The following CHODL variants were observed in gnomAD, a reference collection of about 807,000 sequenced individuals.
CHODL encodes the protein transmembrane protein MT75.
CHODL carries 29 observed loss-of-function variants against 34.5 expected under a neutral mutation model. The observed-to-expected ratio is 0.84, with a 90% CI of 0.63 to 1.15. The LOEUF (loss-of-function observed/expected upper bound fraction) is 1.15, where lower values mean the gene tolerates loss of function less well. CHODL is among the 50% of genes most tolerant of loss of function. CHODL has a pLI of 0.00. For missense variants in CHODL, 332 were observed against 332.5 expected (o/e 1.00, Z 0.01); for synonymous variants, 125 against 116.1 (o/e 1.08, Z -0.49).
At chr21:18,068,399 G>C (rs1414649505) in intron 2 of CHODL, among the ~76,000 whole-genome samples, 1 of 152,140 alleles carries the variant, frequency 6.6e-6, no homozygotes, top group Non-Finnish European at 1.5e-5. Flanking sequence ...GTTTCACCCT[G>C]TTGGCCAGGC....
chr21:17,978,379 G>T (rs951243771), intron 1 of CHODL, among the ~76,000 whole-genome samples: 1 of 143,164 alleles, frequency 7.0e-6, no homozygotes, highest in African/African-American at 2.6e-5. Flanking sequence ...CCAAGATGGC[G>T]CCACTGCACT....
At chr21:18,135,339 T>C (rs1344374598) in intron 2 of CHODL, among the ~76,000 whole-genome samples, 1 of 152,160 alleles carries the variant, frequency 6.6e-6, no homozygotes, top group Non-Finnish European at 1.5e-5. Flanking sequence ...TACTATGAGT[T>C]ATTGATTTTT....
upstream of CHODL, among the ~76,000 whole-genome samples, chr21:18,243,231 A>G (rs2074098920): frequency 6.6e-6 from 1 of 152,216 alleles, no homozygotes; most frequent in Non-Finnish European, 1.5e-5. Context: ...TTCTTTCTCT[A>G]CACTGGACTC....
chr21:17,970,489 G>GT (rs913670591), intron 1 of CHODL, among the ~76,000 whole-genome samples: 7 of 152,088 alleles, frequency 4.6e-5, no homozygotes, highest in African/African-American at 1.4e-4. Flanking sequence ...AGAGAAGAAG[G>GT]TTTTTTCTAG....
At chr21:17,924,231 C>T (rs911543049) in intron 1 of CHODL, among the ~76,000 whole-genome samples, 3 of 152,162 alleles carry the variant, frequency 2.0e-5, no homozygotes, top group Non-Finnish European at 4.4e-5. Context: ...GAGAGCTGGT[C>T]AGCATCCTCC....
At chr21:18,155,013 C>T (rs987401359) in intron 2 of CHODL, among the ~76,000 whole-genome samples, 6 of 152,154 alleles carry the variant, frequency 3.9e-5, no homozygotes, top group Non-Finnish European at 7.3e-5. Context: ...GAAAGACAAA[C>T]TTGAATTAAT....
rs550807993 is a variant in CHODL at position 18,149,325 on chromosome 21, A to G, written c.-44-107184A>G. 2.6e-5 allele frequency among the ~76,000 whole-genome samples: 4 copies of G among 152,346 alleles called. No individual in the cohort carries two copies. The South Asian group carries it at 8.3e-4, about 32-fold the overall frequency. On this transcript the variant is annotated intron_variant, in intron 2 of 6. Coordinates refer to the CHODL transcript ENST00000400127. Reference sequence around the variant, plus strand: ...CCTGATGCCTAATCGCTGTTTCTCCATGAGATGAAAGCGACTGACTGTCCT... The same window carrying G: ...CCTGATGCCTAATCGCTGTTTCTCCGTGAGATGAAAGCGACTGACTGTCCT...
chr21:17,927,474 A>G (rs1228521365), intron 1 of CHODL, among the ~76,000 whole-genome samples: 1 of 152,142 alleles, frequency 6.6e-6, no homozygotes, highest in Non-Finnish European at 1.5e-5. Flanking sequence ...GGTTCAAAAC[A>G]TTTCTTTTCT....
At chr21:18,016,412 C>T (rs1360805177) in intron 1 of CHODL, among the ~76,000 whole-genome samples, 1 of 152,188 alleles carries the variant, frequency 6.6e-6, no homozygotes, top group Non-Finnish European at 1.5e-5. Context: ...TTGGAAGCCT[C>T]CACCTAGATT....
At chr21:18,220,180 T>A (rs1032544949) in intron 2 of CHODL, among the ~76,000 whole-genome samples, 5 of 152,196 alleles carry the variant, frequency 3.3e-5, no homozygotes, top group Admixed American at 2.6e-4. Flanking sequence ...GCATGGAATA[T>A]CTTTTTTTCA....
intron 2 of CHODL, among the ~76,000 whole-genome samples, chr21:18,059,691 C>T (rs750617652): frequency 6.6e-5 from 10 of 152,058 alleles, no homozygotes; most frequent in South Asian, 2.1e-4. Flanking sequence ...TTCCCCCTGA[C>T]GTGTCTGTGT....
chr21:17,940,906 C>T (rs1027114054), intron 1 of CHODL, among the ~76,000 whole-genome samples: 3 of 152,174 alleles, frequency 2.0e-5, no homozygotes, highest in Non-Finnish European at 2.9e-5. Flanking sequence ...TTTCGATAAA[C>T]CATCTGATTT....
chr21:18,250,976 T>C (rs989558277), intron 1 of CHODL, among the ~76,000 whole-genome samples: 2 of 151,554 alleles, frequency 1.3e-5, no homozygotes, highest in Non-Finnish European at 2.9e-5. Flanking sequence ...TAATATATAA[T>C]TATAGCGTGA....
intron 1 of CHODL, among the ~76,000 whole-genome samples, chr21:17,932,188 C>T (rs1173752863): frequency 6.6e-6 from 1 of 151,866 alleles, no homozygotes; most frequent in South Asian, 2.1e-4. Flanking sequence ...AAGTGACCAA[C>T]AAAGATATGA....
intron 2 of CHODL, among the ~76,000 whole-genome samples, chr21:18,147,616 C>T (rs1252980248): frequency 6.6e-6 from 1 of 152,150 alleles, no homozygotes; most frequent in Non-Finnish European, 1.5e-5. Flanking sequence ...CAGGGATTGG[C>T]AGTCTTTTTC....
intron 1 of CHODL, among the ~76,000 whole-genome samples, chr21:17,993,223 A>G (rs1450021655): frequency 1.3e-5 from 2 of 152,022 alleles, no homozygotes; most frequent in Non-Finnish European, 2.9e-5. Context: ...CTTTTTTAAA[A>G]TTTAAATTTT....
intron 2 of CHODL, among the ~76,000 whole-genome samples, chr21:18,148,779 A>G (rs1006955649): frequency 1.3e-5 from 2 of 152,108 alleles, no homozygotes; most frequent in Non-Finnish European, 2.9e-5. Flanking sequence ...AAATCTTTCT[A>G]TTAACCCAGA....
At chr21:18,103,203 T>C (rs1448135528) in intron 2 of CHODL, among the ~76,000 whole-genome samples, 1 of 152,116 alleles carries the variant, frequency 6.6e-6, no homozygotes, top group Non-Finnish European at 1.5e-5. Context: ...AATGAGAAAA[T>C]GTGAAATCTT....
intron 1 of CHODL, among the ~76,000 whole-genome samples, chr21:17,979,675 A>T (rs1234873785): frequency 6.6e-6 from 1 of 152,214 alleles, no homozygotes; most frequent in Non-Finnish European, 1.5e-5. Context: ...AGCAGTAATG[A>T]GTTACAAATG....
Sources: allele counts gnomAD v4.1 joint callset (sites outside exome capture counted in the v4.1 genomes callset), GRCh38; gene constraint gnomAD v4.1.1; transcripts MANE v1.5; gene names NCBI Gene and HGNC (gene_info 2026-07-23, HGNC 2026-07-21).